Variants in BMPR1B observed in about 807,000 individuals in gnomAD.
The protein encoded by BMPR1B is bone morphogenetic protein receptor type 1B, also known as bone morphogenetic protein receptor type-1B.
In BMPR1B, 12 loss-of-function variants were observed where a neutral mutation model predicts 59.1. The observed-to-expected ratio is 0.20, with a 90% CI of 0.13 to 0.33. BMPR1B has a LOEUF of 0.33. Ranked by LOEUF, BMPR1B falls within the 10% of genes least tolerant of loss-of-function variation. The pLI, the probability that BMPR1B is intolerant of heterozygous loss-of-function variation, is 1.00. For synonymous variants in BMPR1B, 237 were observed against 207.3 expected, an observed-to-expected ratio of 1.14 and a Z score of -1.23; for missense variants, 550 against 610.9, an observed-to-expected ratio of 0.90 and a Z score of 1.05.
At chr4:94,805,963 C>T (rs886346551) in intron 1 of BMPR1B, among the ~76,000 whole-genome samples, 1 of 152,246 alleles carries the variant, frequency 6.6e-6, no homozygotes, top group African/African-American at 2.4e-5. Context: ...TCCATGCAAC[C>T]TAGAAACTCC....
chr4:94,934,092 A>G (rs182095158), intron 2 of BMPR1B, among the ~76,000 whole-genome samples: 2,408 of 152,252 alleles, frequency 0.016, 62 homozygotes, highest in African/African-American at 0.055. Flanking sequence ...ATGAGTGCAC[A>G]TGTGTTTGTT....
chr4:94,934,738 CT>C (rs1286131334), intron 2 of BMPR1B, among the ~76,000 whole-genome samples: 1 of 152,034 alleles, frequency 6.6e-6, no homozygotes, highest in African/African-American at 2.4e-5. Flanking sequence ...TTTTTTCCCC[CT>C]GCAAAATAGG....
At chr4:95,148,717 G>T (rs1734821078) in intron 10 of BMPR1B, 31 bp from the exon 11 acceptor site, 1 of 1,605,222 alleles carries the variant, frequency 6.2e-7, no homozygotes, top group Non-Finnish European at 8.5e-7. Context: ...CCTCTTCAAT[G>T]CTGTAATGCT....
chr4:95,104,640 A>C, intron 4 of BMPR1B, 73 bp downstream of exon 4: 1 of 1,565,428 alleles, frequency 6.4e-7, no homozygotes, highest in East Asian at 2.2e-5. Flanking sequence ...ACTGTAGGCT[A>C]GTGTTTCAAA....
chr4:94,950,846 T>C (rs1408686862), intron 2 of BMPR1B, among the ~76,000 whole-genome samples: 1 of 152,230 alleles, frequency 6.6e-6, no homozygotes, highest in African/African-American at 2.4e-5. Flanking sequence ...AGTAGCTTCA[T>C]GGGAATAGAA....
intron 2 of BMPR1B, among the ~76,000 whole-genome samples, chr4:94,899,653 A>C (rs572469259): frequency 1.6e-4 from 25 of 152,028 alleles, no homozygotes; most frequent in Middle Eastern, 3.4e-3. Context: ...GATGCAGCAA[A>C]AGAAGCGTTG....
chr4:95,028,120 C>A (rs964679912), intron 3 of BMPR1B, among the ~76,000 whole-genome samples: 2 of 152,126 alleles, frequency 1.3e-5, no homozygotes, highest in Admixed American at 1.3e-4. Flanking sequence ...AGGGCTCATG[C>A]TGGAATTAAC....
At chr4:94,918,733 TCAATC>T (rs1728580892) in intron 2 of BMPR1B, among the ~76,000 whole-genome samples, 1 of 152,102 alleles carries the variant, frequency 6.6e-6, no homozygotes, top group African/African-American at 2.4e-5. Flanking sequence ...CCTTTTGAAC[TCAATC>T]TGCTGAGTAA....
At chr4:94,798,841 C>T (rs180691367) in intron 1 of BMPR1B, among the ~76,000 whole-genome samples, 3 of 151,924 alleles carry the variant, frequency 2.0e-5, no homozygotes, top group East Asian at 3.9e-4. Flanking sequence ...CTCTCCCTTC[C>T]CCGCAGTGTT....
At chr4:95,008,820 A>G (rs1044862638) in intron 3 of BMPR1B, among the ~76,000 whole-genome samples, 3 of 152,170 alleles carry the variant, frequency 2.0e-5, no homozygotes, top group Admixed American at 1.3e-4. Flanking sequence ...GAATTTCAAA[A>G]AGAGAAAATC....
chr4:95,100,849 G>T (rs994318167), intron 3 of BMPR1B, among the ~76,000 whole-genome samples: 4 of 152,044 alleles, frequency 2.6e-5, no homozygotes, highest in African/African-American at 9.7e-5. Context: ...ACGTGTTCTT[G>T]TTTCATGATA....
At chr4:94,937,002 G>C (rs1729331618) in intron 2 of BMPR1B, among the ~76,000 whole-genome samples, 1 of 152,062 alleles carries the variant, frequency 6.6e-6, no homozygotes, top group Admixed American at 6.5e-5. Context: ...GTGCCTCCAG[G>C]ACTGGAGGAA....
At chr4:94,846,118 G>T (rs1725315570) in intron 1 of BMPR1B, among the ~76,000 whole-genome samples, 1 of 152,120 alleles carries the variant, frequency 6.6e-6, no homozygotes, top group African/African-American at 2.4e-5. Flanking sequence ...ACAGATACAT[G>T]TTACCAGTCA....
intron 1 of BMPR1B, among the ~76,000 whole-genome samples, chr4:94,846,650 G>A (rs531539839): frequency 1.3e-5 from 2 of 152,118 alleles, no homozygotes; most frequent in African/African-American, 4.8e-5. Flanking sequence ...AACCTATTGT[G>A]GGACCTTGTG....
In BMPR1B at chr4:95,091,731, G is replaced by T. The variant is rs1487207099; in HGVS notation, c.-17-12677G>T. ...AGCCAATTCTGGCACAATAAAAGCT[G>T]TTAGAACTTAGCCTTTTTTGGCATA... On this transcript the variant is annotated intron_variant, in intron 3 of 12. Transcript: ENST00000515059. 4.4e-6 allele frequency: 4 copies of T among 911,440 alleles called. No individual in the cohort carries two copies. The African/African-American group carries it at 7.2e-5, about 16-fold the overall frequency. 56.5% of individuals were successfully genotyped at this position (911,440 alleles called of 1,614,324 possible). A position where few individuals can be genotyped will look rare whatever the true frequency, so the allele number is the denominator to read the frequency against.
chr4:94,904,092 G>A (rs937099615), intron 2 of BMPR1B, among the ~76,000 whole-genome samples: 1 of 151,812 alleles, frequency 6.6e-6, no homozygotes, highest in Admixed American at 6.6e-5. Flanking sequence ...TTATTTTCAG[G>A]AAGTTAAAAA....
At chr4:94,979,066 T>A (rs766530828) in intron 2 of BMPR1B, among the ~76,000 whole-genome samples, 4 of 152,106 alleles carry the variant, frequency 2.6e-5, no homozygotes, top group Non-Finnish European at 5.9e-5. Context: ...TCTGTCTACT[T>A]CTTTGTCTTA....
chr4:95,018,683 A>G (rs1418011484), intron 3 of BMPR1B, among the ~76,000 whole-genome samples: 1 of 152,206 alleles, frequency 6.6e-6, no homozygotes, highest in Admixed American at 6.5e-5. Flanking sequence ...ATTATTTCAC[A>G]CAACTGAAAT....
At chr4:95,111,279 G>GATCTAA (rs1360912650) in intron 4 of BMPR1B, among the ~76,000 whole-genome samples, 1 of 152,010 alleles carries the variant, frequency 6.6e-6, no homozygotes, top group Non-Finnish European at 1.5e-5. Context: ...TCTTTATGAA[G>GATCTAA]ATCTAAACTG....
Sources: allele counts gnomAD v4.1 joint callset (sites outside exome capture counted in the v4.1 genomes callset), GRCh38; gene constraint gnomAD v4.1.1; transcripts MANE v1.5; gene names NCBI Gene and HGNC (gene_info 2026-07-23, HGNC 2026-07-21).